Variants in CLTB observed in about 807,000 individuals in gnomAD.
CLTB encodes the protein clathrin, light chain (Lcb).
A neutral mutation model predicts 30.5 loss-of-function variants in CLTB; 10 were observed. The ratio of observed to expected loss-of-function variants is 0.33; its 90% confidence interval spans 0.20 to 0.56. The LOEUF is 0.56. Ranked by LOEUF, CLTB falls within the 20% of genes least tolerant of loss-of-function variation. The pLI is 0.91. For missense variants in CLTB, 261 were observed against 308.3 expected (o/e 0.85, Z 1.15); for synonymous variants, 102 against 120.3 (o/e 0.85, Z 1.00).
chr5:176,405,805 G>C (rs1757087151), intron 2 of CLTB: 1 of 151,938 alleles, frequency 6.6e-6, no homozygotes, highest in Non-Finnish European at 1.5e-5. Flanking sequence ...CCTTCCCTGG[G>C]CAGCTTGGCT....
chr5:176,402,416 CT>C (rs1181047065), intron 2 of CLTB, among the ~76,000 whole-genome samples: 1 of 152,262 alleles, frequency 6.6e-6, no homozygotes, highest in African/African-American at 2.4e-5. Flanking sequence ...TATTCGTGCA[CT>C]CTTGCCACAC....
At position 176,392,881 on chromosome 5, in the gene CLTB, CCTT is replaced by C; in HGVS notation, c.580_582del (p.Lys194del). 1.2e-6 allele frequency: 2 copies of C among 1,614,216 alleles called. No homozygotes were observed. The highest frequency in any genetic ancestry group is 1.7e-6 in the Non-Finnish European group (2 of 1,180,022). On this transcript the variant is annotated inframe_deletion, in exon 6 of 6. Coordinates refer to ENST00000310418, the MANE Select transcript of CLTB (RefSeq NM_007097.5). The surrounding 1 kb of genome is among the most constrained non-coding windows in gnomAD (Gnocchi z 5.2). ...GGGTTGAAGTCACATAGCTGGGCCACCTTCTCCCACTCTGTGCCTGGGGTCTCC... is the reference window on the plus strand; with the variant it reads ...GGGTTGAAGTCACATAGCTGGGCCACCTCCCACTCTGTGCCTGGGGTCTCC...
chr5:176,413,887 G>A (rs1310943885), intron 1 of CLTB, among the ~76,000 whole-genome samples: 1 of 152,202 alleles, frequency 6.6e-6, no homozygotes, highest in East Asian at 1.9e-4. Flanking sequence ...GAGACCCTCA[G>A]AAGGCTGTAT....
intron 2 of CLTB, among the ~76,000 whole-genome samples, chr5:176,404,401 GC>G (rs989591619): frequency 5.9e-5 from 9 of 152,206 alleles, no homozygotes; most frequent in Admixed American, 5.2e-4. Flanking sequence ...TTTTTCCACA[GC>G]CCTTTGGGGC....
At chr5:176,416,059 C>G in intron 1 of CLTB, 118 bp downstream of exon 1, 2 of 918,562 alleles carry the variant, frequency 2.2e-6, no homozygotes, top group Non-Finnish European at 3.1e-6. Flanking sequence ...TTCCCCACGT[C>G]TCCCAGCTCC....
intron 1 of CLTB, among the ~76,000 whole-genome samples, chr5:176,414,151 C>A (rs879477269): frequency 4.6e-5 from 7 of 152,208 alleles, no homozygotes; most frequent in Non-Finnish European, 7.3e-5. Flanking sequence ...GACCTCCCCA[C>A]AAGGCCTCCC....
intron 2 of CLTB, among the ~76,000 whole-genome samples, chr5:176,404,448 G>A (rs1213236759): frequency 6.6e-6 from 1 of 152,236 alleles, no homozygotes; most frequent in East Asian, 1.9e-4. Flanking sequence ...TTTTACAAAT[G>A]AGAAGCCAGG....
chr5:176,393,777 T>C lies in CLTB; in HGVS notation c.519-832A>G, dbSNP rs1353083086. The stretch of plus-strand genomic sequence containing the variant: ...ACAGAAGCCACTGACTAAGGGACAG[T>C]GGGGAAACAAGTAAATACAGTCTAG... On this transcript the variant is annotated intron_variant, in intron 5 of 5. Transcript: ENST00000310418. The surrounding 1 kb of genome is among the most constrained non-coding windows in gnomAD (Gnocchi z 4.4). Among the ~76,000 whole-genome samples, 1 of 152,062 alleles carries C rather than the reference T, an allele frequency of 6.6e-6. No homozygotes were observed. Among genetic ancestry groups the C allele is most frequent in the African/African-American group, 2.4e-5 (1 of 41,382 alleles).
chr5:176,399,908 T>C (rs528943384), intron 2 of CLTB, among the ~76,000 whole-genome samples: 2 of 122,544 alleles, frequency 1.6e-5, no homozygotes, highest in East Asian at 2.5e-4. Context: ...AAAATGGGAA[T>C]AGACCGGGCA....
chr5:176,396,606 T>G (rs1581424967), intron 4 of CLTB, 74 bp from the exon 5 acceptor site: 1 of 980,126 alleles, frequency 1.0e-6, no homozygotes, highest in Non-Finnish European at 1.6e-6. Flanking sequence ...GGCAGAAGGT[T>G]AGAGAGAGAG....
intron 4 of CLTB, among the ~76,000 whole-genome samples, chr5:176,397,282 C>A (rs1756569342): frequency 6.6e-6 from 1 of 151,964 alleles, no homozygotes; most frequent in Non-Finnish European, 1.5e-5. Context: ...GAGCACTGGG[C>A]AGTGTTCAGT....
intron 1 of CLTB, among the ~76,000 whole-genome samples, chr5:176,415,949 CAT>C (rs931578492): frequency 1.3e-5 from 2 of 152,186 alleles, no homozygotes; most frequent in Non-Finnish European, 2.9e-5. Context: ...GATGAAATGT[CAT>C]GACCGAATTC....
intron 2 of CLTB, among the ~76,000 whole-genome samples, chr5:176,405,397 G>A (rs1757050207): frequency 6.7e-6 from 1 of 149,974 alleles, no homozygotes; most frequent in Non-Finnish European, 1.5e-5. Context: ...GCTGAGGCAG[G>A]AGGATCACTT....
chr5:176,403,099 G>C (rs1379558495), intron 2 of CLTB, among the ~76,000 whole-genome samples: 1 of 150,506 alleles, frequency 6.6e-6, no homozygotes, highest in Non-Finnish European at 1.5e-5. Flanking sequence ...GCCCAGGCTG[G>C]AGTGCAGTGT....
intron 2 of CLTB, among the ~76,000 whole-genome samples, chr5:176,398,916 C>G (rs1396022626): frequency 1.3e-5 from 2 of 151,604 alleles, no homozygotes; most frequent in African/African-American, 4.8e-5. Flanking sequence ...AATGTTGGTT[C>G]ACTGCAACCT....
At chr5:176,402,304 T>C (rs1243260276) in intron 2 of CLTB, among the ~76,000 whole-genome samples, 3 of 152,038 alleles carry the variant, frequency 2.0e-5, no homozygotes, top group Non-Finnish European at 4.4e-5. Context: ...TCTCAAAAAA[T>C]AAATAAATAA....
In CLTB at chr5:176,416,310, C is replaced by A. The variant is rs1233528914; in HGVS notation, c.54G>T (p.Ala18=). The change falls in exon 1 of 6, where the codon GCG becomes GCT. Residue 18 remains alanine, a synonymous_variant. Transcript: ENST00000310418. ...AGGCGGCCGCCGGGTCCTCCTCCGC[C>A]GCCTCCGGGGCACCGCTCTCCGACG... ...FSSSESGAPE[A]AEEDPAAAFL... 1 of 1,604,420 alleles carries A rather than the reference C, an allele frequency of 6.2e-7. No individual in the cohort carries two copies. The highest frequency in any genetic ancestry group is 1.7e-5 in the Admixed American group (1 of 59,488).
intron 5 of CLTB, among the ~76,000 whole-genome samples, chr5:176,394,793 T>C (rs554739834): frequency 2.0e-5 from 3 of 151,076 alleles, no homozygotes; most frequent in South Asian, 4.2e-4. Flanking sequence ...CCAGCCTGGG[T>C]GACAGAGCAA....
chr5:176,394,902 A>C (rs959561746), intron 5 of CLTB, among the ~76,000 whole-genome samples: 3 of 151,888 alleles, frequency 2.0e-5, no homozygotes, highest in African/African-American at 7.3e-5. Flanking sequence ...CCTCAGGCTC[A>C]ACAGAAGCAT....
Sources: allele counts gnomAD v4.1 joint callset (sites outside exome capture counted in the v4.1 genomes callset), GRCh38; gene constraint gnomAD v4.1.1; non-coding constraint Gnocchi (gnomAD v3.1); transcripts MANE v1.5; gene names NCBI Gene and HGNC (gene_info 2026-07-23, HGNC 2026-07-21).